Variants in DOCK5 observed in about 807,000 individuals in gnomAD.
DOCK5 encodes dedicator of cytokinesis protein 5.
In DOCK5, 142 loss-of-function variants were observed where a neutral mutation model predicts 251.8. The ratio of observed to expected loss-of-function variants is 0.56; its 90% confidence interval spans 0.49 to 0.65. DOCK5 has a LOEUF of 0.65. DOCK5 is among the 30% of genes least tolerant of loss of function. The pLI, the probability that DOCK5 is intolerant of heterozygous loss-of-function variation, is 0.00. For missense variants in DOCK5, 2,111 were observed against 2,312.3 expected, an observed-to-expected ratio of 0.91 and a Z score of 1.79; for synonymous variants, 842 against 835.5, an observed-to-expected ratio of 1.01 and a Z score of -0.13.
chr8:25,390,167 C>T (rs776883238), intron 41 of DOCK5, 39 bp from the exon 42 acceptor site: 16 of 1,532,228 alleles, frequency 1.0e-5, no homozygotes, highest in Admixed American at 4.1e-5. Flanking sequence ...GACACCTTCA[C>T]GACCCCAGCC....
At chr8:25,270,465 G>A (rs1418041984) in intron 3 of DOCK5, among the ~76,000 whole-genome samples, 1 of 152,050 alleles carries the variant, frequency 6.6e-6, no homozygotes, top group African/African-American at 2.4e-5. Context: ...AGCACCATTA[G>A]AGTTAACAAT....
chr8:25,369,351 G>C (rs1264067368), intron 33 of DOCK5, among the ~76,000 whole-genome samples: 1 of 152,196 alleles, frequency 6.6e-6, no homozygotes, highest in Non-Finnish European at 1.5e-5. Context: ...CAAATGTAAT[G>C]CAAAGGACAA....
chr8:25,333,102 C>T (rs1805719655), intron 20 of DOCK5, among the ~76,000 whole-genome samples: 1 of 152,168 alleles, frequency 6.6e-6, no homozygotes, highest in Non-Finnish European at 1.5e-5. Flanking sequence ...ATATTCAACC[C>T]AGCAGAAAAT....
At chr8:25,246,008 T>A (rs1803094771) in intron 2 of DOCK5, among the ~76,000 whole-genome samples, 1 of 152,260 alleles carries the variant, frequency 6.6e-6, no homozygotes, top group Non-Finnish European at 1.5e-5. Context: ...GTTTGCTTTA[T>A]GTATTCTGAG....
rs1801644684 is a variant in DOCK5, at chr8:25,412,223, A to T, written c.*925A>T. 6.6e-6 allele frequency: 1 copy of T among 150,530 alleles called. No individual in the cohort carries two copies. The highest frequency in any genetic ancestry group is 6.7e-5 in the Admixed American group (1 of 14,890). The allele number at this position is 150,530 out of a possible 1,614,324, so 9.3% of individuals were successfully genotyped here. A position where few individuals can be genotyped will look rare whatever the true frequency, so the allele number is the denominator to read the frequency against. ...GCAGCCGCATCTGCTACCTGATTTT[A>T]TCCTGGAGAATACAGTGCAATATTT... On this transcript the variant is annotated 3_prime_UTR_variant, in exon 52 of 52. Coordinates refer to ENST00000276440, the MANE Select transcript of DOCK5 (RefSeq NM_024940.8).
At position 25,323,841 on chromosome 8, in the gene DOCK5, T is replaced by G; in HGVS notation, c.1616-7T>G. 6.2e-7 allele frequency: 1 copy of G among 1,612,036 alleles called. No individual in the cohort carries two copies. The highest frequency in any genetic ancestry group is 8.5e-7 in the Non-Finnish European group (1 of 1,179,122). On this transcript the variant is annotated splice_polypyrimidine_tract_variant and splice_region_variant and intron_variant, in intron 16 of 51. Transcript: ENST00000276440. ...CACTGCTCAGACATGTCTTTCTGCCTTTTCAGCCAGAGATAAATCGGAGCG... is the reference window on the plus strand; with the variant it reads ...CACTGCTCAGACATGTCTTTCTGCCGTTTCAGCCAGAGATAAATCGGAGCG...
chr8:25,270,017 T>G (rs1453354434), intron 3 of DOCK5, among the ~76,000 whole-genome samples: 3 of 152,214 alleles, frequency 2.0e-5, no homozygotes, highest in African/African-American at 7.2e-5. Context: ...GCTTCTGCAT[T>G]GTTGATGCTT....
intron 1 of DOCK5, among the ~76,000 whole-genome samples, chr8:25,214,440 A>T (rs1405599653): frequency 2.6e-5 from 4 of 152,112 alleles, no homozygotes; most frequent in African/African-American, 9.7e-5. Context: ...GCACCTTTGA[A>T]AAAGGAAAAG....
intron 1 of DOCK5, among the ~76,000 whole-genome samples, chr8:25,225,249 A>G (rs997928623): frequency 6.6e-6 from 1 of 152,220 alleles, no homozygotes; most frequent in East Asian, 1.9e-4. Flanking sequence ...ACTTCTAGGT[A>G]TATCCAAAAG....
At chr8:25,307,380 A>G (rs1804972482) in intron 11 of DOCK5, among the ~76,000 whole-genome samples, 1 of 152,090 alleles carries the variant, frequency 6.6e-6, no homozygotes. Flanking sequence ...CGGCCTCCCA[A>G]AGTGCTGGGA....
At chr8:25,240,245 T>A (rs1432920332) in intron 1 of DOCK5, among the ~76,000 whole-genome samples, 2 of 149,452 alleles carry the variant, frequency 1.3e-5, no homozygotes, top group Non-Finnish European at 3.0e-5. Flanking sequence ...AGTTCCCTCA[T>A]CAGTAGAGTG....
chr8:25,192,846 G>T (rs895553143), intron 1 of DOCK5, among the ~76,000 whole-genome samples: 1 of 152,050 alleles, frequency 6.6e-6, no homozygotes, highest in Non-Finnish European at 1.5e-5. Context: ...TCTTTATATT[G>T]TCTGCTTGTT....
intron 18 of DOCK5, among the ~76,000 whole-genome samples, chr8:25,328,890 A>G (rs1805622893): frequency 6.6e-6 from 1 of 152,224 alleles, no homozygotes; most frequent in African/African-American, 2.4e-5. Context: ...ACTTTGCCAG[A>G]TCATCTCCAG....
chr8:25,222,057 G>A (rs1237508676), intron 1 of DOCK5, among the ~76,000 whole-genome samples: 4 of 152,122 alleles, frequency 2.6e-5, no homozygotes, highest in African/African-American at 4.8e-5. Context: ...ATTGCTTTTT[G>A]CTAGGGGTTT....
intron 1 of DOCK5, among the ~76,000 whole-genome samples, chr8:25,209,823 C>T (rs2117476845): frequency 1.5e-5 from 1 of 66,462 alleles, no homozygotes; most frequent in African/African-American, 3.5e-5. Context: ...GCCAGCATTT[C>T]GTGCAGAAGG....
intron 3 of DOCK5, among the ~76,000 whole-genome samples, chr8:25,273,163 G>A (rs1266749370): frequency 2.0e-5 from 3 of 152,154 alleles, no homozygotes; most frequent in Non-Finnish European, 4.4e-5. Context: ...CTTCCGAACT[G>A]CAGAAATCAG....
chr8:25,217,040 G>GTATACATGTATAGATGTATAAAATATGTA (rs1802262915), intron 1 of DOCK5, among the ~76,000 whole-genome samples: 1 of 144,228 alleles, frequency 6.9e-6, no homozygotes, highest in Admixed American at 6.9e-5. Context: ...TACAATATGT[G>GTATACATGTATAGATGTATAAAATATGTA]TATACATGTA....
intron 1 of DOCK5, among the ~76,000 whole-genome samples, chr8:25,215,175 G>A (rs1802211060): frequency 6.6e-6 from 1 of 152,136 alleles, no homozygotes. Context: ...CCTAACAATG[G>A]CTCAGCTGGA....
chr8:25,228,278 T>C (rs1160328342), intron 1 of DOCK5, among the ~76,000 whole-genome samples: 2 of 152,356 alleles, frequency 1.3e-5, no homozygotes, highest in East Asian at 1.9e-4. Flanking sequence ...GAAAAAGTTA[T>C]GGCAATTTTA....
Sources: gnomAD v4.1 joint callset for allele counts (sites outside exome capture counted in the v4.1 genomes callset) on GRCh38, gnomAD v4.1.1 for gene constraint, MANE v1.5 for transcripts, NCBI Gene and HGNC (gene_info 2026-07-23, HGNC 2026-07-21) for gene names.